Variants in GRIN2A observed in about 807,000 individuals in gnomAD.
GRIN2A encodes glutamate receptor ionotropic, NMDA 2A.
In GRIN2A, 22 loss-of-function variants were observed where a neutral mutation model predicts 113.4. The observed-to-expected ratio is 0.19, with a 90% CI of 0.14 to 0.28. The LOEUF (loss-of-function observed/expected upper bound fraction) is 0.28. GRIN2A is among the 10% of genes least tolerant of loss of function. GRIN2A has a pLI of 1.00. For synonymous variants in GRIN2A, 827 were observed against 738.4 expected (o/e 1.12, Z -1.94); for missense variants, 1,502 against 1,887.0 (o/e 0.80, Z 3.78).
chr16:10,019,790 A>G (rs1193604643), intron 2 of GRIN2A, among the ~76,000 whole-genome samples: 2 of 152,258 alleles, frequency 1.3e-5, no homozygotes, highest in Admixed American at 6.5e-5. Context: ...AGAAATGGCC[A>G]TAATGTAGAT....
intron 11 of GRIN2A, among the ~76,000 whole-genome samples, chr16:9,787,385 A>G (rs905434964): frequency 1.3e-5 from 2 of 152,150 alleles, no homozygotes; most frequent in African/African-American, 4.8e-5. Context: ...CTTTGACTCT[A>G]CCTTTTACTT....
intron 2 of GRIN2A, among the ~76,000 whole-genome samples, chr16:10,137,076 C>T (rs138296967): frequency 1.3e-5 from 2 of 152,172 alleles, no homozygotes; most frequent in Non-Finnish European, 2.9e-5. Context: ...ATCCACAAAT[C>T]CCTACCGTTG....
intron 2 of GRIN2A, among the ~76,000 whole-genome samples, chr16:9,949,124 A>G (rs1193109278): frequency 6.6e-6 from 1 of 152,170 alleles, no homozygotes; most frequent in Non-Finnish European, 1.5e-5. Context: ...CTCCCAGAAC[A>G]CACTGTCCAG....
chr16:10,029,979 A>G (rs554580207), intron 2 of GRIN2A, among the ~76,000 whole-genome samples: 10 of 152,224 alleles, frequency 6.6e-5, no homozygotes, highest in South Asian at 4.2e-4. Flanking sequence ...CCTGGGCCAC[A>G]GAGTGAGACT....
At position 9,916,614 on chromosome 16, in the gene GRIN2A, G is replaced by A. The variant is rs117796116; in HGVS notation, c.1007+21345C>T. On this transcript the variant is annotated intron_variant, in intron 3 of 12. Coordinates refer to ENST00000330684, the MANE Select transcript of GRIN2A (RefSeq NM_001134407.3). ...TAACAGACACCTGGTATTCCACCTC[G>A]GAGGTGGCTGGTGATGCAGCCTTCT... Among the ~76,000 whole-genome samples, 1,271 of 152,254 alleles carry A rather than the reference G, an allele frequency of 8.3e-3. 12 individuals carry two copies. Among genetic ancestry groups the A allele is most frequent in the South Asian group, 0.023 (111 of 4,820 alleles).
intron 2 of GRIN2A, among the ~76,000 whole-genome samples, chr16:9,991,359 G>C (rs1268574573): frequency 6.6e-6 from 1 of 152,136 alleles, no homozygotes; most frequent in Non-Finnish European, 1.5e-5. Context: ...TTAGTAAGTG[G>C]TCCTACAGGT....
chr16:9,789,527 G>T (rs965158143), intron 11 of GRIN2A, among the ~76,000 whole-genome samples: 6 of 150,736 alleles, frequency 4.0e-5, no homozygotes, highest in African/African-American at 1.5e-4. Flanking sequence ...AACAAACCTT[G>T]GTTGATAAGA....
chr16:10,177,661 C>G (rs2043715640), intron 2 of GRIN2A, among the ~76,000 whole-genome samples: 1 of 152,188 alleles, frequency 6.6e-6, no homozygotes, highest in African/African-American at 2.4e-5. Flanking sequence ...TCCACATCCC[C>G]AAAACGCAGT....
At chr16:9,990,552 C>CGT (rs1307821906) in intron 2 of GRIN2A, among the ~76,000 whole-genome samples, 32 of 101,922 alleles carry the variant, frequency 3.1e-4, no homozygotes, top group African/African-American at 9.3e-4. Context: ...TACACGCGCG[C>CGT]GCGCGCGCGC....
At chr16:10,015,942 C>T (rs1276479230) in intron 2 of GRIN2A, among the ~76,000 whole-genome samples, 1 of 151,920 alleles carries the variant, frequency 6.6e-6, no homozygotes, top group Non-Finnish European at 1.5e-5. Flanking sequence ...ATGATAAAAC[C>T]CCGTCTCTAC....
chr16:10,070,117 A>T (rs2047721993), intron 2 of GRIN2A, among the ~76,000 whole-genome samples: 1 of 152,206 alleles, frequency 6.6e-6, no homozygotes, highest in African/African-American at 2.4e-5. Flanking sequence ...CCTGAGTGGT[A>T]GCCAGGAAGT....
intron 2 of GRIN2A, among the ~76,000 whole-genome samples, chr16:10,168,053 T>G (rs1596573139): frequency 6.6e-6 from 1 of 152,294 alleles, no homozygotes; most frequent in African/African-American, 2.4e-5. Context: ...CTTTATTAAG[T>G]AATAATGATT....
At chr16:10,066,842 A>G (rs757802369) in intron 2 of GRIN2A, among the ~76,000 whole-genome samples, 3 of 152,244 alleles carry the variant, frequency 2.0e-5, no homozygotes, top group Non-Finnish European at 2.9e-5. Flanking sequence ...AGCCCATCAT[A>G]GCAGCATTAT....
At chr16:10,159,023 CAG>C (rs2049759545) in intron 2 of GRIN2A, among the ~76,000 whole-genome samples, 1 of 152,124 alleles carries the variant, frequency 6.6e-6, no homozygotes, top group East Asian at 1.9e-4. Flanking sequence ...ATCAAAAAAA[CAG>C]AGGTTGTGGA....
At chr16:10,061,890 A>G (rs1259027274) in intron 2 of GRIN2A, among the ~76,000 whole-genome samples, 1 of 152,230 alleles carries the variant, frequency 6.6e-6, no homozygotes. Flanking sequence ...ACTCAGCAGC[A>G]AAATGGGACG....
rs1432754649 is a variant in GRIN2A at position 9,840,917 on chromosome 16, G to T, written c.1497+19C>A. The stretch of plus-strand genomic sequence containing the variant: ...CCCTTTGTCTGAGTAAGAGCCTAGG[G>T]GATGAAAAGATAACTTACTTCACCG... On this transcript the variant is annotated intron_variant, in intron 6 of 12. Coordinates refer to ENST00000330684, the MANE Select transcript of GRIN2A (RefSeq NM_001134407.3). 6.2e-7 allele frequency: 1 copy of T among 1,612,818 alleles called. No homozygotes were observed. Among genetic ancestry groups the T allele is most frequent in the Admixed American group, 1.7e-5 (1 of 59,976 alleles).
At chr16:9,836,243 T>C (rs181148191) in intron 7 of GRIN2A, among the ~76,000 whole-genome samples, 204 of 152,332 alleles carry the variant, frequency 1.3e-3, no homozygotes, top group African/African-American at 4.6e-3. Context: ...GCACACAATA[T>C]ACAGACAATA....
At chr16:10,034,608 C>A (rs539882547) in intron 2 of GRIN2A, among the ~76,000 whole-genome samples, 79 of 138,248 alleles carry the variant, frequency 5.7e-4, no homozygotes, top group Middle Eastern at 4.2e-3. Flanking sequence ...AGGATGTTGA[C>A]TTGCTGGCTA....
At chr16:10,085,589 A>T (rs1596489844) in intron 2 of GRIN2A, among the ~76,000 whole-genome samples, 1 of 152,274 alleles carries the variant, frequency 6.6e-6, no homozygotes, top group East Asian at 1.9e-4. Context: ...TCAGGAAGGA[A>T]TGTTGCTTGG....
Sources: gnomAD v4.1 joint callset for allele counts (sites outside exome capture counted in the v4.1 genomes callset) on GRCh38, gnomAD v4.1.1 for gene constraint, MANE v1.5 for transcripts, NCBI Gene and HGNC (gene_info 2026-07-23, HGNC 2026-07-21) for gene names.